The following ANKRD44 variants were observed in gnomAD, a reference collection of about 807,000 sequenced individuals.
The protein encoded by ANKRD44 is serine/threonine-protein phosphatase 6 regulatory ankyrin repeat subunit B.
Under a neutral mutation model 116.0 loss-of-function variants are expected in ANKRD44, and 35 were observed. That is an observed-to-expected ratio of 0.30 (90% CI 0.23 to 0.40). The LOEUF is 0.40. Among genes scored for constraint, ANKRD44 ranks in the 10% least tolerant of loss-of-function variants. The probability of loss-of-function intolerance (pLI) is 1.00; values close to 1 mark genes in which losing one functional copy is unlikely to be tolerated. For missense variants in ANKRD44, 1,014 were observed against 1,242.6 expected (o/e 0.82, Z 2.77); for synonymous variants, 435 against 461.8 (o/e 0.94, Z 0.74).
rs2081285158 is a variant in ANKRD44, at chr2:197,209,723, T to C, written c.28-22617A>G. On this transcript the variant is annotated intron_variant, in intron 1 of 27. Transcript: ENST00000282272. ...TTCATTTAACTACTTCATTTTCCTC[T>C]AAGAACTAGGATAGTTTATGGAAAT... Among the ~76,000 whole-genome samples the C allele has an allele frequency of 1.3e-5, 2 of 152,218 alleles. 1 individual carries two copies. Among genetic ancestry groups the C allele is most frequent in the South Asian group, 4.1e-4 (2 of 4,832 alleles).
intron 3 of ANKRD44, among the ~76,000 whole-genome samples, chr2:197,145,128 A>G (rs554014332): frequency 6.6e-6 from 1 of 152,108 alleles, no homozygotes; most frequent in African/African-American, 2.4e-5. Flanking sequence ...CATCTCTACT[A>G]AAAATACAAA....
chr2:197,172,656 C>T (rs2080268131), intron 2 of ANKRD44, among the ~76,000 whole-genome samples: 1 of 152,156 alleles, frequency 6.6e-6, no homozygotes, highest in Non-Finnish European at 1.5e-5. Flanking sequence ...CCTCCATCTC[C>T]CAAGGTCAAG....
At chr2:197,259,340 A>G (rs1389893153) in intron 1 of ANKRD44, among the ~76,000 whole-genome samples, 1 of 152,200 alleles carries the variant, frequency 6.6e-6, no homozygotes, top group Non-Finnish European at 1.5e-5. Context: ...CTAAGAACAC[A>G]ACATAGCAAC....
At chr2:197,252,491 C>G (rs1317872880) in intron 1 of ANKRD44, among the ~76,000 whole-genome samples, 1 of 152,116 alleles carries the variant, frequency 6.6e-6, no homozygotes, top group African/African-American at 2.4e-5. Flanking sequence ...ACTGCAAGCT[C>G]CGCCTCCCGG....
intron 26 of ANKRD44, among the ~76,000 whole-genome samples, chr2:196,994,106 A>G (rs1317974045): frequency 1.3e-5 from 2 of 152,342 alleles, no homozygotes; most frequent in African/African-American, 4.8e-5. Flanking sequence ...CTAAATGCAC[A>G]CAGATGTTTT....
chr2:197,065,531 A>T (rs2077412850), intron 16 of ANKRD44, among the ~76,000 whole-genome samples: 1 of 152,140 alleles, frequency 6.6e-6, no homozygotes, highest in Admixed American at 6.5e-5. Context: ...TTGAAAAGAT[A>T]ACACAATTGA....
rs550495608 is a variant in ANKRD44, at chr2:197,279,256, C to A, written c.27+31322G>T. On this transcript the variant is annotated intron_variant, in intron 1 of 27. Coordinates refer to ENST00000282272, the MANE Select transcript of ANKRD44 (RefSeq NM_001195144.2). The stretch of plus-strand genomic sequence containing the variant: ...GTGAGGGTCAGTTCCTAATACAATA[C>A]CAGGGAGCCTACCTGTATACAATAA... Among the ~76,000 whole-genome samples the A allele has an allele frequency of 6.6e-5, 10 of 152,256 alleles. No homozygotes were observed. The South Asian group carries it at 1.9e-3, about 28-fold the overall frequency.
intron 1 of ANKRD44, among the ~76,000 whole-genome samples, chr2:197,231,745 C>T (rs1161854276): frequency 6.6e-6 from 1 of 151,534 alleles, no homozygotes; most frequent in East Asian, 1.9e-4. Flanking sequence ...AGTGCCAAGG[C>T]TAGGAAACTC....
rs180938916 is a variant in ANKRD44, at chr2:197,098,716, A to G, written c.1100+1100T>C. 1.1e-4 allele frequency among the ~76,000 whole-genome samples: 17 copies of G among 152,354 alleles called. No homozygotes were observed. In the East Asian group the frequency reaches 1.7e-3, roughly 16 times the overall value. On this transcript the variant is annotated intron_variant, in intron 10 of 27. Transcript: ENST00000282272. ...TAGGAGGTGTATTTATAGAACTCATATAGATCTTACCAGATACCAAAGAGC... is the reference window on the plus strand; with the variant it reads ...TAGGAGGTGTATTTATAGAACTCATGTAGATCTTACCAGATACCAAAGAGC...
intron 16 of ANKRD44, among the ~76,000 whole-genome samples, chr2:197,077,359 C>G (rs1219798396): frequency 6.6e-6 from 1 of 152,110 alleles, no homozygotes; most frequent in Non-Finnish European, 1.5e-5. Flanking sequence ...CCTTTTCCCT[C>G]CTTTCAGAAC....
At chr2:197,021,552 G>T (rs6730564) in intron 17 of ANKRD44, among the ~76,000 whole-genome samples, 120,099 of 152,194 alleles carry the variant, frequency 0.79, 50,104 homozygotes, top group East Asian at 0.97. Flanking sequence ...TGATGACCAG[G>T]GATGATGAGC....
intron 16 of ANKRD44, among the ~76,000 whole-genome samples, chr2:197,036,717 TA>T (rs983490710): frequency 1.3e-5 from 2 of 152,178 alleles, no homozygotes; most frequent in Non-Finnish European, 2.9e-5. Context: ...GAGCCTGTAG[TA>T]TGTGTAAGGA....
intron 9 of ANKRD44, among the ~76,000 whole-genome samples, chr2:197,105,599 T>C (rs2078406803): frequency 6.6e-6 from 1 of 152,224 alleles, no homozygotes; most frequent in Non-Finnish European, 1.5e-5. Flanking sequence ...CTTTCATGAC[T>C]TAATTTTAGT....
At chr2:197,038,700 G>A (rs901771895) in intron 16 of ANKRD44, among the ~76,000 whole-genome samples, 1 of 152,192 alleles carries the variant, frequency 6.6e-6, no homozygotes, top group African/African-American at 2.4e-5. Flanking sequence ...GCCAGATCAT[G>A]TGTTTTTGAA....
chr2:196,989,607 A>T lies in ANKRD44; in HGVS notation c.2966T>A (p.Val989Glu), dbSNP rs1388618157. 1 of 1,550,214 alleles carries T rather than the reference A, an allele frequency of 6.5e-7. No individual in the cohort carries two copies. Among genetic ancestry groups the T allele is most frequent in the Admixed American group, 2.0e-5 (1 of 50,990 alleles). ...NGPRSTPGTAVQKEE is the reference protein window; with the variant it reads ...NGPRSTPGTAEQKEE ...TAAAGAGTCTCATTCTTCTTTTTGTACAGCGGTTCCAGGTGTGGAACGGGG... is the reference window on the plus strand; with the variant it reads ...TAAAGAGTCTCATTCTTCTTTTTGTTCAGCGGTTCCAGGTGTGGAACGGGG... Residue 989 changes from valine (V) to glutamate (E), a missense_variant, in exon 28 of 28, where the codon GTA becomes GAA. Physicochemically the swap from Val to Glu is moderately radical, Grantham distance 121. Transcript: ENST00000282272.
At chr2:197,057,034 A>G (rs2077216450) in intron 16 of ANKRD44, among the ~76,000 whole-genome samples, 1 of 152,224 alleles carries the variant, frequency 6.6e-6, no homozygotes, top group African/African-American at 2.4e-5. Flanking sequence ...TCTCAGTCCA[A>G]TACTGAAGAG....
chr2:197,305,973 A>ATATATATG (rs2084060020), intron 1 of ANKRD44, among the ~76,000 whole-genome samples: 4 of 144,298 alleles, frequency 2.8e-5, no homozygotes, highest in Admixed American at 1.4e-4. Flanking sequence ...CGTTTTATAT[A>ATATATATG]TATATATATA....
chr2:197,103,561 G>A (rs972637207), intron 9 of ANKRD44, among the ~76,000 whole-genome samples: 3 of 151,904 alleles, frequency 2.0e-5, no homozygotes, highest in African/African-American at 7.3e-5. Context: ...ACGGGTATGA[G>A]GTTTCTTTTT....
At chr2:197,300,045 T>C (rs571933678) in intron 1 of ANKRD44, among the ~76,000 whole-genome samples, 1 of 152,220 alleles carries the variant, frequency 6.6e-6, no homozygotes, top group Admixed American at 6.5e-5. Context: ...CACCTTACTT[T>C]AATGCTTCAA....
Sources: gnomAD v4.1 joint callset for allele counts (sites outside exome capture counted in the v4.1 genomes callset) on GRCh38, gnomAD v4.1.1 for gene constraint, MANE v1.5 for transcripts, NCBI Gene and HGNC (gene_info 2026-07-23, HGNC 2026-07-21) for gene names.